The following PPP2R5C variants were observed in gnomAD, a reference collection of about 807,000 sequenced individuals.
PPP2R5C encodes serine/threonine-protein phosphatase 2A 56 kDa regulatory subunit gamma isoform.
In PPP2R5C, 7 loss-of-function variants were observed where a neutral mutation model predicts 68.9. The ratio of observed to expected loss-of-function variants is 0.10; its 90% CI spans 0.06 to 0.19. The LOEUF is 0.19. PPP2R5C is among the 10% of genes least tolerant of loss of function. The probability of loss-of-function intolerance (pLI) is 1.00; values close to 1 mark genes in which losing one functional copy is unlikely to be tolerated. For missense variants in PPP2R5C, 348 were observed against 641.3 expected, an observed-to-expected ratio of 0.54 and a Z score of 4.94; for synonymous variants, 210 against 222.2, an observed-to-expected ratio of 0.95 and a Z score of 0.49.
At chr14:101,786,309 A>AG in intron 3 of PPP2R5C, 126 bp downstream of exon 3, 1 of 800,606 alleles carries the variant, frequency 1.2e-6, no homozygotes. Context: ...TTCTGTATTG[A>AG]GGGGTTTTTT....
intron 1 of PPP2R5C, among the ~76,000 whole-genome samples, chr14:101,828,678 T>C (rs1158469326): frequency 8.8e-6 from 1 of 113,984 alleles, no homozygotes; most frequent in Non-Finnish European, 1.8e-5. Context: ...CAGATACTCT[T>C]TTTTTTTTTT....
At chr14:101,805,366 G>A (rs1052258122), upstream of PPP2R5C, among the ~76,000 whole-genome samples, 4 of 152,172 alleles carry the variant, frequency 2.6e-5, no homozygotes, top group South Asian at 2.1e-4. Flanking sequence ...CACCACACCC[G>A]GCCCTGTGCA....
chr14:101,802,162 C>T (rs575675774), intron 3 of PPP2R5C, among the ~76,000 whole-genome samples: 1 of 152,204 alleles, frequency 6.6e-6, no homozygotes, highest in Non-Finnish European at 1.5e-5. Flanking sequence ...CGCCTGGAAT[C>T]CCAGCACTTT....
At chr14:101,795,165 G>A (rs890823114) in intron 3 of PPP2R5C, among the ~76,000 whole-genome samples, 33 of 152,198 alleles carry the variant, frequency 2.2e-4, no homozygotes, top group African/African-American at 6.0e-4. Context: ...TTTTGTTATC[G>A]TTGTTGTTCA....
At chr14:101,794,206 A>C (rs1043439720) in intron 3 of PPP2R5C, among the ~76,000 whole-genome samples, 1 of 152,164 alleles carries the variant, frequency 6.6e-6, no homozygotes, top group Non-Finnish European at 1.5e-5. Flanking sequence ...TCCTGTTCCT[A>C]TCACTTTCAC....
Position 101,797,212 on chromosome 14 carries a change from T to TC in PPP2R5C, c.259+11035dup. 1 of 455,908 alleles carries TC rather than the reference T, an allele frequency of 2.2e-6. No homozygotes were observed. The highest frequency in any genetic ancestry group is 4.4e-6 in the Non-Finnish European group (1 of 226,772). 28.2% of individuals were successfully genotyped at this position (455,908 alleles called of 1,614,324 possible). ...TTCCCTAAACATAATATCTTCCAGG[T>TC]CCCCCCACATTGTAGCACGTGCCAG... On this transcript the variant is annotated intron_variant, in intron 3 of 14. Coordinates refer to the PPP2R5C transcript ENST00000328724. This position sits in a 1 kb window ranked among gnomAD's most constrained non-coding sequence, Gnocchi z 4.2.
chr14:101,882,062 G>T lies in PPP2R5C; in HGVS notation c.295-99G>T. On this transcript the variant is annotated intron_variant, in intron 2 of 13. Coordinates refer to ENST00000334743, the Ensembl canonical transcript of PPP2R5C. This position sits in a 1 kb window ranked among gnomAD's most constrained non-coding sequence, Gnocchi z 4.9. ...GGATACGGAGGAGCTAAGTTACCAT[G>T]GGAAGCGGCTACTGTTAGAATTACC... 1.0e-6 allele frequency: 1 copy of T among 971,382 alleles called. No homozygotes were observed. The allele number at this position is 971,382 out of a possible 1,614,324, so 60.2% of individuals were successfully genotyped here.
intron 1 of PPP2R5C, chr14:101,831,640 A>T (rs763568231): frequency 2.0e-5 from 13 of 638,704 alleles, no homozygotes; most frequent in Non-Finnish European, 3.2e-5. Context: ...TGACCCTTGA[A>T]CGTCACAAGT....
intron 13 of PPP2R5C, among the ~76,000 whole-genome samples, chr14:101,918,642 A>ACC (rs140997690): frequency 0.017 from 31 of 1,858 alleles, 3 homozygotes; most frequent in African/African-American, 0.092. Flanking sequence ...CTCCCCCCTG[A>ACC]CCCCCCTCGC....
chr14:101,779,456 AG>A (rs2037572564), intron 2 of PPP2R5C, among the ~76,000 whole-genome samples: 1 of 152,184 alleles, frequency 6.6e-6, no homozygotes. Flanking sequence ...AAGGCTGAGT[AG>A]ATCAAAAGCT....
intron 1 of PPP2R5C, among the ~76,000 whole-genome samples, chr14:101,832,773 C>T (rs1408631001): frequency 3.9e-5 from 6 of 152,192 alleles, no homozygotes; most frequent in East Asian, 3.8e-4. Flanking sequence ...TCCTCATCCA[C>T]CCCGCCACTC....
At position 101,909,832 on chromosome 14, in the gene PPP2R5C, A is replaced by G. The variant is rs1369117633; in HGVS notation, c.1253+142A>G. 8.3e-6 allele frequency: 4 copies of G among 482,602 alleles called. No homozygotes were observed. In the East Asian group the frequency reaches 1.3e-4, roughly 16 times the overall value. The allele number at this position is 482,602 out of a possible 1,614,324, so 29.9% of individuals were successfully genotyped here. ...TTTCATACTTGGAAAGCAAATTAAA[A>G]CTGTGTTATAATAACGTATTTTGAA... On this transcript the variant is annotated intron_variant, in intron 11 of 13. Coordinates refer to ENST00000334743, the Ensembl canonical transcript of PPP2R5C.
intron 2 of PPP2R5C, among the ~76,000 whole-genome samples, chr14:101,778,684 G>A (rs577476070): frequency 1.1e-4 from 16 of 152,290 alleles, no homozygotes; most frequent in African/African-American, 3.9e-4. Flanking sequence ...GAATGGGCTT[G>A]GCTCTCAATT....
intron 1 of PPP2R5C, among the ~76,000 whole-genome samples, chr14:101,822,631 A>G (rs1217054484): frequency 6.6e-6 from 1 of 152,070 alleles, no homozygotes; most frequent in Non-Finnish European, 1.5e-5. Flanking sequence ...TTATTTTCTC[A>G]TTTATATCCT....
chr14:101,882,999 A>G lies in PPP2R5C; in HGVS notation c.406-258A>G. On this transcript the variant is annotated intron_variant, in intron 3 of 13. Transcript: ENST00000334743. The surrounding 1 kb of genome is among the most constrained non-coding windows in gnomAD (Gnocchi z 4.9). ...CCCTGTAGTCCCTGAACAGTGTACT[A>G]TAACTGATGACATCAGCCATGGAGA... 5.0e-6 allele frequency: 2 copies of G among 401,034 alleles called. No individual in the cohort carries two copies. The highest frequency in any genetic ancestry group is 7.0e-4 in the Middle Eastern group (1 of 1,424). 24.8% of individuals were successfully genotyped at this position (401,034 alleles called of 1,614,324 possible).
chr14:101,804,815 T>C (rs370820891), intron 3 of PPP2R5C, among the ~76,000 whole-genome samples: 2 of 152,158 alleles, frequency 1.3e-5, no homozygotes, highest in South Asian at 2.1e-4. Flanking sequence ...AGGGTGACTA[T>C]AGTCAACAAT....
upstream of PPP2R5C, among the ~76,000 whole-genome samples, chr14:101,809,315 A>AT (rs1462054036): frequency 1.3e-5 from 2 of 151,930 alleles, no homozygotes; most frequent in African/African-American, 4.8e-5. Context: ...TTAATAACTC[A>AT]TCCTATTGGT....
chr14:101,840,186 A>G (rs1322738608), intron 1 of PPP2R5C, among the ~76,000 whole-genome samples: 3 of 152,040 alleles, frequency 2.0e-5, no homozygotes, highest in African/African-American at 7.3e-5. Flanking sequence ...TACATATCAC[A>G]TTATTCTTTT....
intron 2 of PPP2R5C, among the ~76,000 whole-genome samples, chr14:101,774,562 C>T (rs2037321221): frequency 1.3e-5 from 2 of 152,210 alleles, no homozygotes. Flanking sequence ...CCTGCTTTCT[C>T]CCTCCAGCCC....
Sources: allele counts gnomAD v4.1 joint callset (sites outside exome capture counted in the v4.1 genomes callset), GRCh38; gene constraint gnomAD v4.1.1; non-coding constraint Gnocchi (gnomAD v3.1); transcripts MANE v1.5; gene names NCBI Gene and HGNC (gene_info 2026-07-23, HGNC 2026-07-21).